TDRD9: variants seen among roughly 807,000 people sequenced by gnomAD.
TDRD9 encodes the protein ATP-dependent RNA helicase TDRD9.
TDRD9 carries 124 observed loss-of-function variants against 172.6 expected under a neutral mutation model. The ratio of observed to expected loss-of-function variants is 0.72; its 90% confidence interval spans 0.62 to 0.83. TDRD9 has a LOEUF of 0.83. Ranked by LOEUF, TDRD9 falls within the 40% of genes least tolerant of loss-of-function variation. The pLI is 0.00. For synonymous variants in TDRD9, 619 were observed against 617.1 expected (o/e 1.00, Z -0.05); for missense variants, 1,479 against 1,714.1 (o/e 0.86, Z 2.42).
intron 13 of TDRD9, among the ~76,000 whole-genome samples, chr14:104,001,649 G>A (rs567371415): frequency 2.0e-5 from 3 of 152,190 alleles, no homozygotes; most frequent in Non-Finnish European, 2.9e-5. Flanking sequence ...TCACTCTGTC[G>A]CTGGGCTGGA....
chr14:104,021,303 A>G (rs1226721636), intron 23 of TDRD9, among the ~76,000 whole-genome samples: 1 of 152,202 alleles, frequency 6.6e-6, no homozygotes, highest in East Asian at 1.9e-4. Flanking sequence ...ATTGGAGATT[A>G]CAATTCGACA....
chr14:103,982,712 C>A (rs930883112), intron 7 of TDRD9, among the ~76,000 whole-genome samples: 1 of 152,054 alleles, frequency 6.6e-6, no homozygotes, highest in Non-Finnish European at 1.5e-5. Flanking sequence ...TCGAGACCAG[C>A]CTAACACGGA....
intron 32 of TDRD9, among the ~76,000 whole-genome samples, chr14:104,036,662 G>T (rs35458222): frequency 3.3e-5 from 5 of 152,178 alleles, no homozygotes; most frequent in African/African-American, 1.2e-4. Context: ...CAAGCGTTTA[G>T]GTTGTAGACA....
intron 32 of TDRD9, among the ~76,000 whole-genome samples, chr14:104,037,103 T>A (rs2035472873): frequency 6.6e-6 from 1 of 152,088 alleles, no homozygotes; most frequent in Non-Finnish European, 1.5e-5. Context: ...AGCTGTTTGA[T>A]TTGGGATGAG....
intron 1 of TDRD9, chr14:103,940,846 T>G: frequency 6.5e-7 from 1 of 1,535,388 alleles, no homozygotes; most frequent in Non-Finnish European, 8.7e-7. Context: ...CCATATTCTG[T>G]GTGAGAACAC....
At chr14:103,938,382 ATGTGTGTG>A (rs71126086) in intron 1 of TDRD9, among the ~76,000 whole-genome samples, 18,652 of 37,834 alleles carry the variant, frequency 0.49, 5,356 homozygotes, top group Non-Finnish European at 0.61. Context: ...TGCCCCATAT[ATGTGTGTG>A]TGTGTGTGTG....
At chr14:103,937,769 G>A (rs891160932) in intron 1 of TDRD9, among the ~76,000 whole-genome samples, 2 of 152,120 alleles carry the variant, frequency 1.3e-5, no homozygotes, top group African/African-American at 4.8e-5. Flanking sequence ...GTGTGTATTG[G>A]TACTAGCTGG....
intron 6 of TDRD9, among the ~76,000 whole-genome samples, chr14:103,975,168 A>G (rs1272043285): frequency 6.6e-6 from 1 of 152,216 alleles, no homozygotes; most frequent in Non-Finnish European, 1.5e-5. Flanking sequence ...GATGAAATTT[A>G]TCATTTGAAA....
intron 22 of TDRD9, among the ~76,000 whole-genome samples, chr14:104,016,827 A>G (rs927154618): frequency 6.6e-6 from 1 of 152,208 alleles, no homozygotes; most frequent in African/African-American, 2.4e-5. Flanking sequence ...GTAAGGGCTC[A>G]GTCATTGCCA....
chr14:103,945,345 T>G (rs1420466249), intron 1 of TDRD9: 1 of 152,236 alleles, frequency 6.6e-6, no homozygotes. Flanking sequence ...TATACCTTCC[T>G]TTGAAGTTAA....
At chr14:103,930,466 G>A (rs537250435) in intron 1 of TDRD9, among the ~76,000 whole-genome samples, 1 of 152,240 alleles carries the variant, frequency 6.6e-6, no homozygotes, top group East Asian at 1.9e-4. Context: ...GTGAGTCACC[G>A]TGCCTGGCTT....
chr14:104,046,288 C>T (rs79480184), intron 34 of TDRD9, among the ~76,000 whole-genome samples: 3,383 of 152,138 alleles, frequency 0.022, 146 homozygotes, highest in Admixed American at 0.12. Context: ...ATTATGTTTT[C>T]GGTGCTATAT....
intron 7 of TDRD9, among the ~76,000 whole-genome samples, chr14:103,983,787 G>A (rs1595946182): frequency 6.6e-6 from 1 of 152,214 alleles, no homozygotes; most frequent in South Asian, 2.1e-4. Flanking sequence ...CAAGGCAGAG[G>A]ATGGAACAGT....
At chr14:103,938,190 G>A (rs1369284108) in intron 1 of TDRD9, among the ~76,000 whole-genome samples, 2 of 151,896 alleles carry the variant, frequency 1.3e-5, no homozygotes, top group African/African-American at 4.8e-5. Flanking sequence ...TTATTAAATG[G>A]ATTGGGCTGG....
rs2035604111 is a variant in TDRD9 at position 104,041,255 on chromosome 14, G to A, written c.3856-814G>A. ...ACTCCTTAAGCCATAGACCTAATGG[G>A]AAAATGTAAAACTATTAAAGTGCTA... On this transcript the variant is annotated intron_variant, in intron 33 of 35. Transcript: ENST00000409874. 2.0e-5 allele frequency among the ~76,000 whole-genome samples: 3 copies of A among 152,142 alleles called. No homozygotes were observed. In the South Asian group the frequency reaches 6.2e-4, roughly 32 times the overall value.
chr14:103,978,449 A>G (rs575211083), intron 7 of TDRD9, among the ~76,000 whole-genome samples: 1 of 152,310 alleles, frequency 6.6e-6, no homozygotes, highest in South Asian at 2.1e-4. Flanking sequence ...TAACACTTAA[A>G]AAAACCTACT....
chr14:103,972,084 G>A (rs549604135), intron 6 of TDRD9, among the ~76,000 whole-genome samples: 138 of 151,918 alleles, frequency 9.1e-4, no homozygotes, highest in Non-Finnish European at 1.4e-3. Context: ...AGCCTGGGAG[G>A]TCCAGGCTGC....
At chr14:103,969,639 G>T (rs1277223317) in intron 5 of TDRD9, among the ~76,000 whole-genome samples, 1 of 152,192 alleles carries the variant, frequency 6.6e-6, no homozygotes, top group Non-Finnish European at 1.5e-5. Context: ...CTCTTACACT[G>T]AGGAAAGGAG....
intron 13 of TDRD9, among the ~76,000 whole-genome samples, chr14:103,999,653 GGGAAGGGTAGATAAAAGACCA>G (rs2034190631): frequency 3.5e-5 from 4 of 114,120 alleles, no homozygotes; most frequent in African/African-American, 3.4e-5. Context: ...AAAACCTTTT[GGGAAGGGTAGATAAAAGACCA>G]TTTCAAGAAT....
Sources: allele counts gnomAD v4.1 joint callset (sites outside exome capture counted in the v4.1 genomes callset), GRCh38; gene constraint gnomAD v4.1.1; transcripts MANE v1.5; gene names NCBI Gene and HGNC (gene_info 2026-07-23, HGNC 2026-07-21).